Variants in NUDCD1 observed in about 807,000 individuals in gnomAD.
NUDCD1 encodes the protein nudC domain-containing protein 1.
NUDCD1 carries 60 observed loss-of-function variants against 67.8 expected under a neutral mutation model. The observed-to-expected ratio is 0.88, with a 90% confidence interval of 0.72 to 1.10. The LOEUF (loss-of-function observed/expected upper bound fraction) is 1.10. Ranked by LOEUF, NUDCD1 falls within the 50% of genes least tolerant of loss-of-function variation. The pLI, the probability that NUDCD1 is intolerant of heterozygous loss-of-function variation, is 0.00. For synonymous variants in NUDCD1, 244 were observed against 230.8 expected (o/e 1.06, Z -0.52); for missense variants, 643 against 695.0 (o/e 0.93, Z 0.84).
intron 6 of NUDCD1, among the ~76,000 whole-genome samples, chr8:109,279,040 G>A (rs1586272861): frequency 6.6e-6 from 1 of 152,242 alleles, no homozygotes; most frequent in East Asian, 1.9e-4. Context: ...TTAGCTGAGT[G>A]ACTGTGCCAC....
intron 8 of NUDCD1, among the ~76,000 whole-genome samples, chr8:109,270,084 GCCTTA>G (rs1563665944): frequency 0.013 from 60 of 4,780 alleles, no homozygotes; most frequent in South Asian, 0.03. Flanking sequence ...GGGGGGGGGT[GCCTTA>G]AGGTGGGGTG....
At chr8:109,333,461 C>G (rs562293286) in intron 1 of NUDCD1, among the ~76,000 whole-genome samples, 1 of 152,314 alleles carries the variant, frequency 6.6e-6, no homozygotes, top group African/African-American at 2.4e-5. Context: ...TAAGAAACGG[C>G]TCTCGGTCAG....
chr8:109,263,810 A>G (rs1431095552), intron 8 of NUDCD1, among the ~76,000 whole-genome samples: 1 of 152,142 alleles, frequency 6.6e-6, no homozygotes, highest in Non-Finnish European at 1.5e-5. Context: ...CTTTCTCCCT[A>G]TTTTTAAATT....
At chr8:109,254,430 T>A (rs1257300707) in intron 8 of NUDCD1, among the ~76,000 whole-genome samples, 3 of 152,110 alleles carry the variant, frequency 2.0e-5, no homozygotes, top group Admixed American at 6.6e-5. Flanking sequence ...ATGGAAAAAA[T>A]TAACTTATTT....
At chr8:109,273,763 A>C (rs958334404) in intron 7 of NUDCD1, among the ~76,000 whole-genome samples, 1 of 152,118 alleles carries the variant, frequency 6.6e-6, no homozygotes, top group Non-Finnish European at 1.5e-5. Context: ...CACTAATTCT[A>C]TACATTCTCT....
intron 9 of NUDCD1, 98 bp downstream of exon 9, chr8:109,245,224 G>T: frequency 8.6e-7 from 1 of 1,163,458 alleles, no homozygotes; most frequent in South Asian, 1.6e-5. Context: ...ATGTAATCAG[G>T]ACAGCTCAAA....
At chr8:109,302,817 G>A (rs1173076417) in intron 2 of NUDCD1, among the ~76,000 whole-genome samples, 2 of 152,112 alleles carry the variant, frequency 1.3e-5, no homozygotes, top group African/African-American at 4.8e-5. Flanking sequence ...GGGGCCAGAA[G>A]GCTGTCTTAT....
At chr8:109,317,403 G>C (rs1815425446) in intron 2 of NUDCD1, among the ~76,000 whole-genome samples, 1 of 152,260 alleles carries the variant, frequency 6.6e-6, no homozygotes, top group East Asian at 1.9e-4. Context: ...AACTGGTAGA[G>C]CACTGTGGCA....
chr8:109,292,903 A>T (rs2130029128), intron 4 of NUDCD1, among the ~76,000 whole-genome samples: 1 of 152,192 alleles, frequency 6.6e-6, no homozygotes, highest in South Asian at 2.1e-4. Context: ...ATTAGATTTA[A>T]AAGAAATCAT....
At chr8:109,244,054 CA>C (rs1413156747) in intron 9 of NUDCD1, among the ~76,000 whole-genome samples, 5 of 151,920 alleles carry the variant, frequency 3.3e-5, no homozygotes, top group Non-Finnish European at 7.4e-5. Flanking sequence ...ACATGGTTAG[CA>C]AATGTTAGGT....
At chr8:109,318,276 A>G (rs1181507406) in intron 2 of NUDCD1, among the ~76,000 whole-genome samples, 2 of 152,242 alleles carry the variant, frequency 1.3e-5, no homozygotes, top group Non-Finnish European at 2.9e-5. Flanking sequence ...ACACTTTCAG[A>G]TCTACCATAA....
At chr8:109,305,889 T>G (rs1057233740) in intron 2 of NUDCD1, among the ~76,000 whole-genome samples, 3 of 152,146 alleles carry the variant, frequency 2.0e-5, no homozygotes, top group Non-Finnish European at 4.4e-5. Context: ...CTCCTGGAAG[T>G]CGCAAGTACT....
intron 1 of NUDCD1, among the ~76,000 whole-genome samples, chr8:109,333,503 G>A (rs1315996656): frequency 6.6e-6 from 1 of 152,214 alleles, no homozygotes; most frequent in Non-Finnish European, 1.5e-5. Flanking sequence ...CTCCAAGGAG[G>A]TGTGGTTTCT....
chr8:109,244,794 GAT>G (rs1813456504), intron 9 of NUDCD1, among the ~76,000 whole-genome samples: 1 of 152,064 alleles, frequency 6.6e-6, no homozygotes, highest in African/African-American at 2.4e-5. Flanking sequence ...TTTTAAAACT[GAT>G]TTTTTTCCTT....
chr8:109,303,029 A>T (rs1010494345), intron 2 of NUDCD1, among the ~76,000 whole-genome samples: 3 of 152,202 alleles, frequency 2.0e-5, no homozygotes, highest in African/African-American at 7.2e-5. Flanking sequence ...CAAAAAGCCT[A>T]AACTGCAGGG....
Position 109,296,483 on chromosome 8 carries a change from A to G in NUDCD1, c.360T>C (p.His120=). The change falls in exon 3 of 10, where the codon CAT becomes CAC. Residue 120 remains histidine (H), a synonymous_variant. Transcript: ENST00000239690. ...AGGTAACCCAGGTAGAAGATGAGAA[A>G]TGGATAGATGCACAAAGACGGTTGT... ...ACDNRLCASI[H]FSSSTWVTLS... is the part of the protein sequence containing the mutation. 7 of 1,613,368 alleles carry G rather than the reference A, an allele frequency of 4.3e-6. No individual in the cohort carries two copies. The highest frequency in any genetic ancestry group is 5.9e-6 in the Non-Finnish European group (7 of 1,179,380).
intron 8 of NUDCD1, among the ~76,000 whole-genome samples, chr8:109,259,974 A>G (rs1307846311): frequency 6.6e-6 from 1 of 152,224 alleles, no homozygotes; most frequent in Non-Finnish European, 1.5e-5. Context: ...ACAGAAGATT[A>G]GGACACAATA....
At chr8:109,302,936 AT>A (rs1434770248) in intron 2 of NUDCD1, among the ~76,000 whole-genome samples, 1 of 152,124 alleles carries the variant, frequency 6.6e-6, no homozygotes, top group Non-Finnish European at 1.5e-5. Flanking sequence ...CGCTTTCAAG[AT>A]GTACAATAAT....
chr8:109,312,003 T>C (rs1338419169), intron 2 of NUDCD1, among the ~76,000 whole-genome samples: 2 of 151,756 alleles, frequency 1.3e-5, no homozygotes, highest in Non-Finnish European at 2.9e-5. Context: ...ACGGGACAAC[T>C]ATAGTTTAAA....
Sources: allele counts gnomAD v4.1 joint callset (sites outside exome capture counted in the v4.1 genomes callset), GRCh38; gene constraint gnomAD v4.1.1; transcripts MANE v1.5; gene names NCBI Gene and HGNC (gene_info 2026-07-23, HGNC 2026-07-21).